Variants in NECAB2 observed in about 807,000 individuals in gnomAD.
NECAB2 encodes N-terminal EF-hand calcium-binding protein 2.
Under a neutral mutation model 51.9 loss-of-function variants are expected in NECAB2, and 68 were observed. The ratio of observed to expected loss-of-function variants is 1.31; its 90% confidence interval spans 1.08 to 1.60. NECAB2 has a LOEUF of 1.60. Among genes scored for constraint, NECAB2 ranks in the 40% most tolerant of loss-of-function variants. The probability of loss-of-function intolerance (pLI) is 0.00; values close to 1 mark genes in which losing one functional copy is unlikely to be tolerated. For synonymous variants in NECAB2, 329 were observed against 203.5 expected (o/e 1.62, Z -5.25); for missense variants, 854 against 490.3 (o/e 1.74, Z -7.00).
intron 10 of NECAB2, among the ~76,000 whole-genome samples, chr16:83,999,050 CA>C (rs2084768483): frequency 6.6e-6 from 1 of 150,710 alleles, no homozygotes. Flanking sequence ...AGCACACACT[CA>C]TTCACCCCAT....
upstream of NECAB2, among the ~76,000 whole-genome samples, chr16:83,967,485 GT>G (rs2084295627): frequency 1.2e-5 from 1 of 80,460 alleles, no homozygotes; most frequent in Non-Finnish European, 2.6e-5. Context: ...AGGGAGGGGG[GT>G]GGGTGGGTGG....
At chr16:83,982,371 C>A (rs1433991821) in intron 5 of NECAB2, among the ~76,000 whole-genome samples, 1 of 152,182 alleles carries the variant, frequency 6.6e-6, no homozygotes, top group African/African-American at 2.4e-5. Context: ...CATGTAAGAC[C>A]TGCTCCCTTC....
upstream of NECAB2, chr16:83,965,227 C>T (rs1475259523): frequency 6.2e-7 from 1 of 1,612,762 alleles, no homozygotes; most frequent in African/African-American, 1.3e-5. Context: ...ACTCCAGCCC[C>T]CTCTTCCAGG....
chr16:83,998,383 G>C (rs2084751651), intron 10 of NECAB2, 66 bp downstream of exon 10: 6 of 1,482,348 alleles, frequency 4.0e-6, no homozygotes, highest in Non-Finnish European at 3.7e-6. Flanking sequence ...TGGAGGAACA[G>C]GGCAGGACTA....
chr16:83,982,292 C>G lies in NECAB2; in HGVS notation c.459+1165C>G, dbSNP rs76553048. 8.6e-3 allele frequency among the ~76,000 whole-genome samples: 1,309 copies of G among 152,356 alleles called. 16 individuals carry two copies. The highest frequency in any genetic ancestry group is 0.031 in the African/African-American group (1,269 of 41,584). Reference sequence around the variant, plus strand: ...GGCCTCATTCTGGGCCTCCACGATTCCACATTTCCATTTCTGTCCCAGTAT... The same window carrying G: ...GGCCTCATTCTGGGCCTCCACGATTGCACATTTCCATTTCTGTCCCAGTAT... On this transcript the variant is annotated intron_variant, in intron 5 of 12. Transcript: ENST00000305202.
intron 9 of NECAB2, among the ~76,000 whole-genome samples, chr16:83,997,894 C>G (rs550909315): frequency 6.6e-6 from 1 of 152,124 alleles, no homozygotes; most frequent in Admixed American, 6.5e-5. Context: ...ATGAGTTTTT[C>G]TTGTCAGTGG....
chr16:83,972,307 A>G (rs2084358495), intron 2 of NECAB2, 132 bp downstream of exon 2: 6 of 1,294,268 alleles, frequency 4.6e-6, no homozygotes, highest in Non-Finnish European at 6.5e-6. Context: ...TGAAGTTAGA[A>G]GGCCAAATCC....
chr16:83,968,969 C>T, intron 1 of NECAB2, 120 bp downstream of exon 1: 1 of 535,560 alleles, frequency 1.9e-6, no homozygotes. Context: ...GGGCAGGAGA[C>T]CCCCGGCCCC....
rs770065725 is a variant in NECAB2 at position 84,002,674 on chromosome 16, G to A, written c.*328G>A. 2.7e-4 allele frequency: 110 copies of A among 412,916 alleles called. No homozygotes were observed. The highest frequency in any genetic ancestry group is 1.4e-3 in the Middle Eastern group (2 of 1,392). The allele number at this position is 412,916 out of a possible 1,614,324, so 25.6% of individuals were successfully genotyped here. A position where few individuals can be genotyped will look rare whatever the true frequency, so the allele number is the denominator to read the frequency against. On this transcript the variant is annotated 3_prime_UTR_variant, in exon 13 of 13. Coordinates refer to ENST00000305202, the MANE Select transcript of NECAB2 (RefSeq NM_019065.3). ...ACACTGACCACACCCTGCCCTCTTC[G>A]GTGACATTCTTCTACCTAGTAGGAG...
At chr16:83,985,278 A>G (rs897530079) in intron 5 of NECAB2, among the ~76,000 whole-genome samples, 1 of 122,704 alleles carries the variant, frequency 8.1e-6, no homozygotes, top group African/African-American at 2.9e-5. Context: ...GCGCCATTGC[A>G]CTCCAGCCTG....
chr16:83,973,327 G>A (rs1297407500), intron 2 of NECAB2, among the ~76,000 whole-genome samples: 2 of 152,124 alleles, frequency 1.3e-5, no homozygotes, highest in South Asian at 2.1e-4. Context: ...CACCCAGGGC[G>A]GTTGCAGGGT....
Position 84,002,302 on chromosome 16 carries a change from G to T in NECAB2, c.1133-16G>T, listed in dbSNP as rs753564109. ...CATTCGCACTCCTTCCCTCTAACGT[G>T]TCTCTCTCCTTTTAGCTGCTTGGTG... On this transcript the variant is annotated splice_polypyrimidine_tract_variant and intron_variant, in intron 12 of 12. Coordinates refer to ENST00000305202, the MANE Select transcript of NECAB2 (RefSeq NM_019065.3). 1 of 1,613,760 alleles carries T rather than the reference G, an allele frequency of 6.2e-7. No homozygotes were observed. The highest frequency in any genetic ancestry group is 8.5e-7 in the Non-Finnish European group (1 of 1,179,792).
intron 6 of NECAB2, chr16:83,993,620 C>CTGTGTGTGTGTGTG (rs57610964): frequency 3.7e-5 from 5 of 135,338 alleles, no homozygotes; most frequent in African/African-American, 8.2e-5. Flanking sequence ...GCAAGGTGAG[C>CTGTGTGTGTGTGTG]TGTGTGTGTG....
Position 83,990,543 on chromosome 16 carries a change from T to C in NECAB2, c.509T>C (p.Leu170Pro), listed in dbSNP as rs747515773. Residue 170 changes from leucine to proline, a missense_variant, in exon 6 of 13, where the codon CTG becomes CCG. Transcript: ENST00000305202. The stretch of plus-strand genomic sequence containing the variant: ...GACCAGTTTGTGACCCGCTTCCTCC[T>C]GAAGGAGACGGCCAATCAGATCCAG... ...NVDQFVTRFL[L>P]KETANQIQSL... The C allele has an allele frequency of 6.2e-7, 1 of 1,614,158 alleles. No individual in the cohort carries two copies. The highest frequency in any genetic ancestry group is 8.5e-7 in the Non-Finnish European group (1 of 1,180,038).
chr16:83,965,899 G>C, upstream of NECAB2: 1 of 1,612,862 alleles, frequency 6.2e-7, no homozygotes, highest in Non-Finnish European at 8.5e-7. Context: ...AGGAGGGCCT[G>C]TACGCCATGG....
At chr16:83,968,076 G>C (rs2084307550), upstream of NECAB2, among the ~76,000 whole-genome samples, 1 of 151,760 alleles carries the variant, frequency 6.6e-6, no homozygotes, top group Admixed American at 6.5e-5. Context: ...GTGAAGACTG[G>C]TTCTGGGCGT....
In NECAB2 at chr16:83,997,116, C is replaced by T. The variant is rs552785771; in HGVS notation, c.796-100C>T. ...CAGCCCTGTGCAACAGGGCCGGGTC[C>T]TTGGGAGCTCCCAACAGCCCCAGGG... On this transcript the variant is annotated intron_variant, in intron 8 of 12. Transcript: ENST00000305202. 154 of 1,466,356 alleles carry T rather than the reference C, an allele frequency of 1.1e-4. No homozygotes were observed. The African/African-American group carries it at 1.6e-3, about 15-fold the overall frequency. 90.8% of individuals were successfully genotyped at this position (1,466,356 alleles called of 1,614,324 possible).
upstream of NECAB2, chr16:83,965,929 C>G: frequency 6.2e-7 from 1 of 1,612,592 alleles, no homozygotes; most frequent in East Asian, 2.2e-5. Context: ...CCGGGGACAA[C>G]TTCGTGAGGT....
chr16:83,982,286 A>G (rs1024731082), intron 5 of NECAB2, among the ~76,000 whole-genome samples: 8 of 152,198 alleles, frequency 5.3e-5, no homozygotes, highest in African/African-American at 1.7e-4. Context: ...CTGGGCCTCC[A>G]CGATTCCACA....
Sources: gnomAD v4.1 joint callset for allele counts (sites outside exome capture counted in the v4.1 genomes callset) on GRCh38, gnomAD v4.1.1 for gene constraint, MANE v1.5 for transcripts, NCBI Gene and HGNC (gene_info 2026-07-23, HGNC 2026-07-21) for gene names.